Variants in STK32A observed in about 807,000 individuals in gnomAD.
STK32A encodes serine/threonine-protein kinase 32A.
STK32A carries 41 observed loss-of-function variants against 53.2 expected under a neutral mutation model. The observed-to-expected ratio is 0.77, with a 90% CI of 0.60 to 1.00. The LOEUF (loss-of-function observed/expected upper bound fraction) is 1.00, where lower values mean the gene tolerates loss of function less well. Ranked by LOEUF, STK32A falls within the 50% of genes least tolerant of loss-of-function variation. The probability of loss-of-function intolerance (pLI) is 0.00; values close to 1 mark genes in which losing one functional copy is unlikely to be tolerated. For missense variants in STK32A, 458 were observed against 485.8 expected, an observed-to-expected ratio of 0.94 and a Z score of 0.54; for synonymous variants, 166 against 162.8, an observed-to-expected ratio of 1.02 and a Z score of -0.15.
At chr5:147,292,468 C>T (rs999996585) in intron 4 of STK32A, among the ~76,000 whole-genome samples, 27 of 152,132 alleles carry the variant, frequency 1.8e-4, no homozygotes, top group African/African-American at 5.8e-4. Flanking sequence ...TAAAAGTATA[C>T]TTTACTTAAT....
chr5:147,322,144 C>G (rs949958434), intron 4 of STK32A, among the ~76,000 whole-genome samples: 2 of 152,150 alleles, frequency 1.3e-5, no homozygotes, highest in African/African-American at 2.4e-5. Flanking sequence ...AAGACCTTTC[C>G]TCATGCCCAA....
intron 5 of STK32A, among the ~76,000 whole-genome samples, chr5:147,329,215 A>T (rs963296389): frequency 6.6e-6 from 1 of 152,200 alleles, no homozygotes; most frequent in Non-Finnish European, 1.5e-5. Context: ...TGCTGTTCTC[A>T]TTGGAACCAA....
chr5:147,382,365 C>T (rs1037480330), intron 11 of STK32A, among the ~76,000 whole-genome samples: 1 of 151,870 alleles, frequency 6.6e-6, no homozygotes, highest in Non-Finnish European at 1.5e-5. Context: ...CTTCCTTTAG[C>T]TCTTTGAGCA....
At chr5:147,236,929 T>C (rs1016726143) in intron 1 of STK32A, among the ~76,000 whole-genome samples, 3 of 152,144 alleles carry the variant, frequency 2.0e-5, no homozygotes, top group African/African-American at 7.2e-5. Context: ...CTGGGGTGCA[T>C]TGTGAAAACT....
At chr5:147,392,610 A>G (rs1757844195), downstream of STK32A, 1 of 152,248 alleles carries the variant, frequency 6.6e-6, no homozygotes, top group African/African-American at 2.4e-5. Flanking sequence ...ACTTGCTCCA[A>G]AACTGAATTT....
intron 4 of STK32A, among the ~76,000 whole-genome samples, chr5:147,297,434 A>C (rs1752919106): frequency 6.6e-6 from 1 of 152,200 alleles, no homozygotes; most frequent in Non-Finnish European, 1.5e-5. Flanking sequence ...CTGACTGGGA[A>C]TCAAACCTGG....
At chr5:147,325,811 AC>A (rs1754556495) in intron 5 of STK32A, among the ~76,000 whole-genome samples, 1 of 152,096 alleles carries the variant, frequency 6.6e-6, no homozygotes, top group Admixed American at 6.5e-5. Flanking sequence ...GACTGTTCAT[AC>A]TTGTTAGTCT....
At chr5:147,324,777 A>G (rs781462641) in intron 5 of STK32A, among the ~76,000 whole-genome samples, 7 of 152,246 alleles carry the variant, frequency 4.6e-5, no homozygotes, top group East Asian at 3.8e-4. Context: ...CATGGCTTGT[A>G]TACATTAAAT....
intron 2 of STK32A, among the ~76,000 whole-genome samples, chr5:147,256,290 C>A (rs1754233784): frequency 6.6e-6 from 1 of 152,158 alleles, no homozygotes. Context: ...TGCAGGGTAC[C>A]AGACTTCGGG....
chr5:147,338,022 T>C (rs765635429), intron 5 of STK32A, among the ~76,000 whole-genome samples: 7 of 152,170 alleles, frequency 4.6e-5, no homozygotes, highest in Admixed American at 2.6e-4. Flanking sequence ...GGAGCATTCA[T>C]GTAGACACTG....
chr5:147,308,266 C>T (rs1426181622), intron 4 of STK32A, among the ~76,000 whole-genome samples: 3 of 151,664 alleles, frequency 2.0e-5, no homozygotes, highest in East Asian at 1.9e-4. Flanking sequence ...AGAGGTCTAG[C>T]GTATTTGTCT....
intron 2 of STK32A, among the ~76,000 whole-genome samples, chr5:147,262,857 G>A (rs777946388): frequency 5.9e-5 from 9 of 152,174 alleles, no homozygotes; most frequent in South Asian, 2.1e-4. Context: ...GACCCATGCC[G>A]TAGAACCCTC....
chr5:147,304,047 T>C (rs193055965), intron 4 of STK32A, among the ~76,000 whole-genome samples: 159 of 152,286 alleles, frequency 1.0e-3, no homozygotes, highest in African/African-American at 3.7e-3. Context: ...GGGGTAAAGA[T>C]TCAGAAGCAC....
At chr5:147,359,146 C>T (rs1756386459) in intron 7 of STK32A, among the ~76,000 whole-genome samples, 1 of 152,170 alleles carries the variant, frequency 6.6e-6, no homozygotes, top group Admixed American at 6.5e-5. Context: ...CCTTCTCTGA[C>T]TCTCTTAGTA....
chr5:147,258,252 C>T (rs1216569284), intron 2 of STK32A, among the ~76,000 whole-genome samples: 1 of 151,530 alleles, frequency 6.6e-6, no homozygotes, highest in Non-Finnish European at 1.5e-5. Context: ...CTGTATGATA[C>T]CCCTTAAACT....
At chr5:147,273,299 G>C (rs527400694) in intron 2 of STK32A, among the ~76,000 whole-genome samples, 2 of 152,194 alleles carry the variant, frequency 1.3e-5, no homozygotes, top group Non-Finnish European at 2.9e-5. Context: ...ATTCTAAAAA[G>C]AGACAGGAAG....
Position 147,239,595 on chromosome 5 carries a change from A to T in STK32A, c.-40A>T. 1 of 1,536,938 alleles carries T rather than the reference A, an allele frequency of 6.5e-7. No individual in the cohort carries two copies. Among genetic ancestry groups the T allele is most frequent in the South Asian group, 1.2e-5 (1 of 84,832 alleles). On this transcript the variant is annotated 5_prime_UTR_variant, in exon 2 of 13. Transcript: ENST00000397936. ...AGCGAAGATGGGTGTTTCTGCCCGGATAGTATAAATCGAGGATCCAGGTCT... is the reference window on the plus strand; with the variant it reads ...AGCGAAGATGGGTGTTTCTGCCCGGTTAGTATAAATCGAGGATCCAGGTCT...
At chr5:147,240,742 G>T (rs971523711) in intron 2 of STK32A, among the ~76,000 whole-genome samples, 1 of 152,234 alleles carries the variant, frequency 6.6e-6, no homozygotes, top group African/African-American at 2.4e-5. Flanking sequence ...AAGCCAAATG[G>T]AAATGTTTAT....
At chr5:147,301,724 G>A (rs1753147118) in intron 4 of STK32A, among the ~76,000 whole-genome samples, 1 of 152,144 alleles carries the variant, frequency 6.6e-6, no homozygotes, top group African/African-American at 2.4e-5. Flanking sequence ...GGTGGCTTGA[G>A]ACATCATAGA....
Sources: gnomAD v4.1 joint callset for allele counts (sites outside exome capture counted in the v4.1 genomes callset) on GRCh38, gnomAD v4.1.1 for gene constraint, MANE v1.5 for transcripts, NCBI Gene and HGNC (gene_info 2026-07-23, HGNC 2026-07-21) for gene names.